The following UNC45B variants were observed in gnomAD, a reference collection of about 807,000 sequenced individuals.
The protein encoded by UNC45B is unc-45 myosin chaperone B.
UNC45B carries 78 observed loss-of-function variants against 98.7 expected under a neutral mutation model. The ratio of observed to expected loss-of-function variants is 0.79; its 90% CI spans 0.66 to 0.95. The LOEUF is 0.95. Ranked by LOEUF, UNC45B falls within the 40% of genes least tolerant of loss-of-function variation. The pLI is 0.00. For synonymous variants in UNC45B, 462 were observed against 480.4 expected (o/e 0.96, Z 0.50); for missense variants, 1,225 against 1,184.9 (o/e 1.03, Z -0.50).
At chr17:35,174,515 A>G in intron 14 of UNC45B, 146 bp downstream of exon 14, 1 of 1,233,302 alleles carries the variant, frequency 8.1e-7, no homozygotes, top group Non-Finnish European at 1.1e-6. Flanking sequence ...GTCTGAGGGG[A>G]TCAGCTTTGA....
At position 35,168,212 on chromosome 17, in the gene UNC45B, G is replaced by A. The variant is rs368981219; in HGVS notation, c.1303G>A (p.Glu435Lys). The A allele has an allele frequency of 6.3e-6, 10 of 1,597,054 alleles. No homozygotes were observed. The African/African-American group carries it at 1.1e-4, about 17-fold the overall frequency. The change falls in exon 10 of 20, where the codon GAG (glutamate) becomes AAG (lysine). Residue 435 changes from glutamate to lysine, a missense_variant. Transcript: ENST00000394570. ...MMVALCGSER[E>K]TDQLVAVEAL... Reference sequence around the variant, plus strand: ...GGTGGCACTATGTGGCTCAGAGCGCGAGACGGACCAGCTGGTGGCCGTGGA... The same window carrying A: ...GGTGGCACTATGTGGCTCAGAGCGCAAGACGGACCAGCTGGTGGCCGTGGA...
Position 35,159,722 on chromosome 17 carries a change from G to T in UNC45B, c.979+177G>T, listed in dbSNP as rs529397986. On this transcript the variant is annotated intron_variant, in intron 8 of 19. Transcript: ENST00000394570. ...TGGGCCTGTGAAGGTGCAGGTCAAGGCTCTGAATTCAGAGCCTGAACATGC... is the reference window on the plus strand; with the variant it reads ...TGGGCCTGTGAAGGTGCAGGTCAAGTCTCTGAATTCAGAGCCTGAACATGC... Among the ~76,000 whole-genome samples the T allele has an allele frequency of 3.3e-5, 5 of 152,236 alleles. No individual in the cohort carries two copies. In the South Asian group the frequency reaches 1.0e-3, roughly 32 times the overall value.
In UNC45B at chr17:35,154,624, G is replaced by T; in HGVS notation, c.522G>T (p.Lys174Asn). ...GCCGTGAGGAAGCAGGGGCTGAGAA[G>T]ATCTTCCAGAACAATGGAGTAGCCT... The part of the protein sequence containing the change: ...VLGREEAGAE[K>N]IFQNNGVALL... The change falls in exon 6 of 20, where the codon AAG becomes AAT. Residue 174 changes from lysine to asparagine, a missense_variant. Lys to Asn is a moderately conservative substitution (Grantham distance 94). Transcript: ENST00000394570. The T allele has an allele frequency of 6.2e-7, 1 of 1,613,498 alleles. No homozygotes were observed. Among genetic ancestry groups the T allele is most frequent in the Non-Finnish European group, 8.5e-7 (1 of 1,179,836 alleles).
intron 6 of UNC45B, 116 bp downstream of exon 6, chr17:35,154,857 G>A (rs529562507): frequency 3.4e-6 from 4 of 1,160,230 alleles, no homozygotes; most frequent in East Asian, 2.8e-5. Flanking sequence ...AAAGTCAAAG[G>A]GTGCTCCAGT....
At chr17:35,147,987 G>A in intron 1 of UNC45B, 77 bp downstream of exon 1, 3 of 449,856 alleles carry the variant, frequency 6.7e-6, no homozygotes, top group Non-Finnish European at 1.2e-5. Context: ...GAGAGTTCAG[G>A]CCTTTGGCAC....
intron 18 of UNC45B, among the ~76,000 whole-genome samples, chr17:35,180,879 A>G (rs1369404387): frequency 6.6e-6 from 1 of 152,252 alleles, no homozygotes; most frequent in East Asian, 1.9e-4. Context: ...TGCATAAAGG[A>G]AAAAATACAA....
rs374697874 is a variant in UNC45B, at chr17:35,155,342, T to C, written c.686T>C (p.Leu229Pro). Reference sequence around the variant, plus strand: ...GTGCGGATAGACCGAATCTGTAGCCTCATGGCCGTGGAGAATGAGGAGATG... The same window carrying C: ...GTGCGGATAGACCGAATCTGTAGCCCCATGGCCGTGGAGAATGAGGAGATG... ...HAVRIDRICS[L>P]MAVENEEMSL... Residue 229 changes from leucine (L) to proline (P), a missense_variant, in exon 7 of 20, where the codon CTC becomes CCC. Coordinates refer to ENST00000394570, the MANE Select transcript of UNC45B (RefSeq NM_001267052.2). The C allele has an allele frequency of 1.2e-6, 2 of 1,614,080 alleles. No individual in the cohort carries two copies. Among genetic ancestry groups the C allele is most frequent in the Non-Finnish European group, 1.7e-6 (2 of 1,180,050 alleles).
intron 4 of UNC45B, chr17:35,151,121 A>G (rs8078358): frequency 5.0e-6 from 1 of 201,454 alleles, no homozygotes; most frequent in South Asian, 6.0e-5. Flanking sequence ...CCCGCGCCCC[A>G]CCGCGGGGCG....
At chr17:35,163,004 C>A (rs994809255) in intron 8 of UNC45B, among the ~76,000 whole-genome samples, 1 of 152,152 alleles carries the variant, frequency 6.6e-6, no homozygotes, top group South Asian at 2.1e-4. Context: ...TGAAATCAGA[C>A]GGGATTGGGA....
intron 13 of UNC45B, among the ~76,000 whole-genome samples, chr17:35,172,759 G>A (rs1031418772): frequency 1.2e-4 from 19 of 152,132 alleles, no homozygotes; most frequent in Admixed American, 2.6e-4. Context: ...TTGTTATGGC[G>A]GCTTCATCCA....
At chr17:35,165,492 C>G (rs563836815) in intron 9 of UNC45B, among the ~76,000 whole-genome samples, 1 of 152,322 alleles carries the variant, frequency 6.6e-6, no homozygotes, top group South Asian at 2.1e-4. Context: ...CCAGGTGAGT[C>G]TTAGGTGGGT....
intron 15 of UNC45B, among the ~76,000 whole-genome samples, chr17:35,176,316 C>G (rs1309633301): frequency 1.3e-5 from 2 of 152,122 alleles, no homozygotes; most frequent in Non-Finnish European, 2.9e-5. Flanking sequence ...CTTGCTCTTC[C>G]CATTTCTGAC....
In UNC45B at chr17:35,152,875, T is replaced by C; in HGVS notation, c.382-18T>C. On this transcript the variant is annotated intron_variant, in intron 4 of 19. Coordinates refer to ENST00000394570, the MANE Select transcript of UNC45B (RefSeq NM_001267052.2). ...GGACCCCACCTGCCTCCTTCCCCAC[T>C]CCCTCCTCTCTCCTCAGCTCCGAGT... is the stretch of plus-strand genomic sequence containing the variant. 1 of 1,609,848 alleles carries C rather than the reference T, an allele frequency of 6.2e-7. No individual in the cohort carries two copies. Among genetic ancestry groups the C allele is most frequent in the Non-Finnish European group, 8.5e-7 (1 of 1,176,134 alleles).
chr17:35,177,676 C>A, intron 17 of UNC45B, 66 bp downstream of exon 17: 2 of 1,214,408 alleles, frequency 1.6e-6, no homozygotes, highest in Non-Finnish European at 1.2e-6. Context: ...TGAAATTTCA[C>A]ATAATGTGCT....
rs532771613 is a variant in UNC45B, at chr17:35,183,461, G to T, written c.2408G>T (p.Arg803Leu). 1.3e-6 allele frequency: 2 copies of T among 1,599,814 alleles called. No individual in the cohort carries two copies. Among genetic ancestry groups the T allele is most frequent in the South Asian group, 1.1e-5 (1 of 88,990 alleles). ...AGGTTCTTGGCTGACGGGAATGACC[G>T]GCTGAAGCTGGTGGTGCTGCTCTGC... ...QERFLADGND[R>L]LKLVVLLCGE... The change falls in exon 19 of 20, where the codon CGG (arginine) becomes CTG (leucine). Residue 803 changes from arginine to leucine, a missense_variant. Physicochemically the swap from Arg to Leu is moderately radical, Grantham distance 102. Coordinates refer to ENST00000394570, the MANE Select transcript of UNC45B (RefSeq NM_001267052.2).
chr17:35,184,172 A>G (rs926844827), intron 19 of UNC45B, among the ~76,000 whole-genome samples: 2 of 152,226 alleles, frequency 1.3e-5, no homozygotes, highest in Non-Finnish European at 2.9e-5. Flanking sequence ...TCTGTTTTAA[A>G]GGCAGGCTCT....
rs534488282 is a variant in UNC45B, at chr17:35,177,373, G to A, written c.2140-122G>A. 21 of 746,628 alleles carry A rather than the reference G, an allele frequency of 2.8e-5. No homozygotes were observed. The African/African-American group carries it at 3.7e-4, about 13-fold the overall frequency. The allele number at this position is 746,628 out of a possible 1,614,324, so 46.3% of individuals were successfully genotyped here. A position where few individuals can be genotyped will look rare whatever the true frequency, so the allele number is the denominator to read the frequency against. ...ATCCTGCCTGTCAGGATCATTGTGAGGATGAAATCAGACAATGTATGAGAA... is the reference window on the plus strand; with the variant it reads ...ATCCTGCCTGTCAGGATCATTGTGAAGATGAAATCAGACAATGTATGAGAA... On this transcript the variant is annotated intron_variant, in intron 16 of 19. Coordinates refer to ENST00000394570, the MANE Select transcript of UNC45B (RefSeq NM_001267052.2).
intron 14 of UNC45B, among the ~76,000 whole-genome samples, chr17:35,175,075 G>GAAAGAAAGAAAGAAAGAAAGAAAC (rs1405430665): frequency 4.6e-4 from 53 of 115,064 alleles, no homozygotes; most frequent in Middle Eastern, 9.5e-3. Context: ...AAGAAAGAAA[G>GAAAGAAAGAAAGAAAGAAAGAAAC]AAAGAAAGAA....
At position 35,187,980 on chromosome 17, in the gene UNC45B, G is replaced by A. The variant is rs540334702; in HGVS notation, c.*1421G>A. On this transcript the variant is annotated 3_prime_UTR_variant, in exon 20 of 20. Transcript: ENST00000394570. ...ACGTTCCGTTGTGTAATAAATGTAA[G>A]TGTACATATGCCTGGGACATCAGCT... is the stretch of plus-strand genomic sequence containing the variant. 3 of 152,346 alleles carry A rather than the reference G, an allele frequency of 2.0e-5. No individual in the cohort carries two copies. The East Asian group carries it at 5.8e-4, about 29-fold the overall frequency. 9.4% of individuals were successfully genotyped at this position (152,346 alleles called of 1,614,324 possible).
Sources: allele counts gnomAD v4.1 joint callset (sites outside exome capture counted in the v4.1 genomes callset), GRCh38; gene constraint gnomAD v4.1.1; transcripts MANE v1.5; gene names NCBI Gene and HGNC (gene_info 2026-07-23, HGNC 2026-07-21).